Variants in ADAMTS16 observed in about 807,000 individuals in gnomAD.
The protein encoded by ADAMTS16 is A disintegrin and metalloproteinase with thrombospondin motifs 16.
Under a neutral mutation model 145.8 loss-of-function variants are expected in ADAMTS16, and 94 were observed. That is an observed-to-expected ratio of 0.64 (90% CI 0.55 to 0.77). ADAMTS16 has a LOEUF of 0.77. ADAMTS16 is among the 30% of genes least tolerant of loss of function. The pLI is 0.00. For synonymous variants in ADAMTS16, 659 were observed against 604.3 expected (o/e 1.09, Z -1.33); for missense variants, 1,585 against 1,591.5 (o/e 1.00, Z 0.07).
chr5:5,235,287 G>A lies in ADAMTS16; in HGVS notation c.2023+101G>A, dbSNP rs142076450. On this transcript the variant is annotated intron_variant, in intron 13 of 22. Transcript: ENST00000274181. ...AGTGTGGTGCACAAATAAACCAGAC[G>A]TCGCTCTGGGAGGTGAGGGTCGCAT... The A allele has an allele frequency of 1.2e-4, 148 of 1,242,744 alleles. 1 individual carries two copies. The highest frequency in any genetic ancestry group is 9.4e-4 in the African/African-American group (62 of 65,710). The allele number at this position is 1,242,744 out of a possible 1,614,324, so 77.0% of individuals were successfully genotyped here.
chr5:5,308,960 A>C (rs1740303747), intron 21 of ADAMTS16, among the ~76,000 whole-genome samples: 2 of 152,066 alleles, frequency 1.3e-5, no homozygotes, highest in Admixed American at 1.3e-4. Flanking sequence ...AAAAAAAAAA[A>C]AAAAAAAGCA....
intron 3 of ADAMTS16, among the ~76,000 whole-genome samples, chr5:5,169,236 C>G (rs1426214247): frequency 2.6e-5 from 4 of 152,154 alleles, no homozygotes; most frequent in Non-Finnish European, 4.4e-5. Context: ...TATCACTATG[C>G]TCCTTCTGGC....
intron 18 of ADAMTS16, among the ~76,000 whole-genome samples, chr5:5,272,167 A>T (rs1328628984): frequency 6.6e-6 from 1 of 151,978 alleles, no homozygotes; most frequent in Non-Finnish European, 1.5e-5. Flanking sequence ...TTTGTGTAGG[A>T]GAGGGTTTTG....
At chr5:5,176,404 T>C (rs1031177657) in intron 3 of ADAMTS16, among the ~76,000 whole-genome samples, 3 of 152,222 alleles carry the variant, frequency 2.0e-5, no homozygotes, top group Non-Finnish European at 2.9e-5. Context: ...TCATCTAAGC[T>C]CTAATCAAAA....
Position 5,317,561 on chromosome 5 carries a change from A to AT in ADAMTS16, c.3412-565dup, listed in dbSNP as rs974874510. ...AGGTGCCCACCACCAGGCCCAGCTA[A>AT]TTTTTTTTCTTTTTTTAATAGAGAC... On this transcript the variant is annotated intron_variant, in intron 21 of 22. Coordinates refer to ENST00000274181, the MANE Select transcript of ADAMTS16 (RefSeq NM_139056.4). This position sits in a 1 kb window ranked among gnomAD's most constrained non-coding sequence, Gnocchi z 4.5. Among the ~76,000 whole-genome samples the AT allele has an allele frequency of 2.7e-5, 4 of 150,590 alleles. No individual in the cohort carries two copies. The highest frequency in any genetic ancestry group is 4.4e-5 in the Non-Finnish European group (3 of 67,674).
chr5:5,235,227 A>T (rs1737067890), intron 13 of ADAMTS16, 41 bp downstream of exon 13: 1 of 1,465,596 alleles, frequency 6.8e-7, no homozygotes, highest in Admixed American at 2.1e-5. Context: ...CTCATGCTTT[A>T]CTACCTTTAC....
At chr5:5,165,018 T>C (rs1734833754) in intron 3 of ADAMTS16, among the ~76,000 whole-genome samples, 1 of 152,146 alleles carries the variant, frequency 6.6e-6, no homozygotes, top group Admixed American at 6.5e-5. Context: ...TTCAGTAATT[T>C]TTTAGTAAAT....
intron 12 of ADAMTS16, 68 bp downstream of exon 12, chr5:5,232,584 T>C (rs1392082803): frequency 4.0e-6 from 6 of 1,506,844 alleles, no homozygotes; most frequent in Non-Finnish European, 5.4e-6. Context: ...CCAAGCAGTA[T>C]GCCTGTGTCT....
chr5:5,152,496 C>T (rs756999128), intron 3 of ADAMTS16, among the ~76,000 whole-genome samples: 1 of 152,180 alleles, frequency 6.6e-6, no homozygotes, highest in Non-Finnish European at 1.5e-5. Flanking sequence ...CTGCCTGGAA[C>T]AGAGCTTCTG....
chr5:5,240,144 T>A (rs1411086679), intron 16 of ADAMTS16, among the ~76,000 whole-genome samples: 1 of 152,226 alleles, frequency 6.6e-6, no homozygotes, highest in African/African-American at 2.4e-5. Flanking sequence ...TGTTCCCATT[T>A]GGGGGTTTTA....
At chr5:5,235,703 A>T (rs1364113848) in intron 13 of ADAMTS16, among the ~76,000 whole-genome samples, 1 of 152,216 alleles carries the variant, frequency 6.6e-6, no homozygotes, top group Non-Finnish European at 1.5e-5. Flanking sequence ...CCCCAGTGGG[A>T]AAGAAATAAG....
At chr5:5,258,142 G>A (rs1027925860) in intron 17 of ADAMTS16, among the ~76,000 whole-genome samples, 7 of 152,188 alleles carry the variant, frequency 4.6e-5, no homozygotes, top group Non-Finnish European at 1.0e-4. Flanking sequence ...GAGGTTGAAT[G>A]ACATCGGAAT....
At chr5:5,290,921 G>C (rs780344279) in intron 18 of ADAMTS16, among the ~76,000 whole-genome samples, 57 of 152,064 alleles carry the variant, frequency 3.7e-4, no homozygotes, top group Middle Eastern at 6.8e-3. Context: ...CGGGCTCTTC[G>C]GGCGTCACTG....
chr5:5,222,691 A>G (rs1025321545), intron 10 of ADAMTS16, 98 bp from the exon 11 acceptor site: 8 of 984,938 alleles, frequency 8.1e-6, no homozygotes, highest in Non-Finnish European at 1.3e-5. Context: ...TGTAAATTAT[A>G]TCTGTTGTTT....
chr5:5,199,431 G>A (rs551839597), intron 8 of ADAMTS16, among the ~76,000 whole-genome samples: 5 of 152,194 alleles, frequency 3.3e-5, no homozygotes, highest in Non-Finnish European at 5.9e-5. Flanking sequence ...TTCTTCAAAC[G>A]ACACCCATAA....
At chr5:5,304,582 A>T (rs944700189) in intron 20 of ADAMTS16, among the ~76,000 whole-genome samples, 1 of 151,968 alleles carries the variant, frequency 6.6e-6, no homozygotes, top group Non-Finnish European at 1.5e-5. Flanking sequence ...TCAGGGAGGG[A>T]CCCGGATCTC....
intron 17 of ADAMTS16, among the ~76,000 whole-genome samples, chr5:5,261,955 A>G (rs1159354153): frequency 6.6e-6 from 1 of 152,168 alleles, no homozygotes; most frequent in Non-Finnish European, 1.5e-5. Context: ...CCTGGCCAGC[A>G]TCATTCTACT....
At chr5:5,226,165 T>G (rs936053095) in intron 11 of ADAMTS16, among the ~76,000 whole-genome samples, 1 of 152,208 alleles carries the variant, frequency 6.6e-6, no homozygotes, top group Admixed American at 6.5e-5. Flanking sequence ...GATTTTATTT[T>G]CCTTTCATAC....
At chr5:5,220,447 C>T (rs941589186) in intron 10 of ADAMTS16, among the ~76,000 whole-genome samples, 46 of 152,016 alleles carry the variant, frequency 3.0e-4, no homozygotes, top group African/African-American at 1.0e-3. Context: ...TGTGAGCCAC[C>T]GCGCCCGGCC....
Sources: allele counts gnomAD v4.1 joint callset (sites outside exome capture counted in the v4.1 genomes callset), GRCh38; gene constraint gnomAD v4.1.1; non-coding constraint Gnocchi (gnomAD v3.1); transcripts MANE v1.5; gene names NCBI Gene and HGNC (gene_info 2026-07-23, HGNC 2026-07-21).